NCR1: variants seen among roughly 807,000 people sequenced by gnomAD.
The protein encoded by NCR1 is natural cytotoxicity triggering receptor 1.
A neutral mutation model predicts 32.5 loss-of-function variants in NCR1; 30 were observed. That is an observed-to-expected ratio of 0.92 (90% CI 0.69 to 1.25). The LOEUF is 1.25. Ranked by LOEUF, NCR1 falls within the 50% of genes most tolerant of loss-of-function variation. The pLI is 0.00. For missense variants in NCR1, 369 were observed against 380.7 expected, an observed-to-expected ratio of 0.97 and a Z score of 0.26; for synonymous variants, 169 against 143.4, an observed-to-expected ratio of 1.18 and a Z score of -1.28.
At chr19:54,903,390 A>ATATACG (rs2067350513), upstream of NCR1, among the ~76,000 whole-genome samples, 7 of 136,912 alleles carry the variant, frequency 5.1e-5, no homozygotes, top group African/African-American at 2.2e-4. Flanking sequence ...ATGTATATAC[A>ATATACG]TATATGTATA....
chr19:54,927,331 A>G, the NCR1 span, among the ~76,000 whole-genome samples: 1 of 151,780 alleles, frequency 6.6e-6, no homozygotes, highest in Non-Finnish European at 1.5e-5. Context: ...CAGTGAGCCA[A>G]GATCGCACCA....
the NCR1 span, chr19:54,938,114 G>C: frequency 2.5e-6 from 4 of 1,614,084 alleles, no homozygotes; most frequent in South Asian, 3.3e-5. Flanking sequence ...GAGTCACTCA[G>C]GAAGCTTTGT....
At chr19:54,936,061 C>T in the NCR1 span, among the ~76,000 whole-genome samples, 1 of 152,110 alleles carries the variant, frequency 6.6e-6, no homozygotes, top group Non-Finnish European at 1.5e-5. Flanking sequence ...TGTTTCTTTG[C>T]ATGGATAGCT....
chr19:54,904,838 T>C (rs2067476462), upstream of NCR1, among the ~76,000 whole-genome samples: 1 of 152,096 alleles, frequency 6.6e-6, no homozygotes, highest in Non-Finnish European at 1.5e-5. Context: ...GGCCAGTATT[T>C]GGTTTTCTGT....
the NCR1 span, chr19:54,927,546 A>T: frequency 3.3e-5 from 48 of 1,469,872 alleles, no homozygotes; most frequent in Middle Eastern, 1.7e-4. Flanking sequence ...ACAGAGCACG[A>T]CTCCATCTCA....
At chr19:54,904,767 G>A (rs1051150127), upstream of NCR1, among the ~76,000 whole-genome samples, 5 of 152,016 alleles carry the variant, frequency 3.3e-5, no homozygotes, top group Non-Finnish European at 7.4e-5. Context: ...CCCGACCTAA[G>A]GTGATCCACC....
downstream of NCR1, among the ~76,000 whole-genome samples, chr19:54,913,773 A>G (rs2068074911): frequency 6.7e-6 from 1 of 150,238 alleles, no homozygotes; most frequent in Non-Finnish European, 1.5e-5. Flanking sequence ...CTCTACTAAA[A>G]ATACAAAAAC....
At chr19:54,924,164 C>T in the NCR1 span, among the ~76,000 whole-genome samples, 28,822 of 152,022 alleles carry the variant, frequency 0.19, 3,055 homozygotes, top group South Asian at 0.25. Context: ...GATGGGGTTT[C>T]GACATGTTAG....
At chr19:54,905,537 T>C (rs1356872171), upstream of NCR1, among the ~76,000 whole-genome samples, 1 of 152,142 alleles carries the variant, frequency 6.6e-6, no homozygotes, top group Non-Finnish European at 1.5e-5. Context: ...ATGCATCACA[T>C]TATTCCTTAC....
In NCR1 at chr19:54,909,422, G is replaced by A. The variant is rs1486412654; in HGVS notation, c.533G>A (p.Gly178Asp). The change falls in exon 4 of 7, where the codon GGC (glycine) becomes GAC (aspartate). Residue 178 changes from glycine (G) to aspartate (D), a missense_variant. Coordinates refer to ENST00000291890, the MANE Select transcript of NCR1 (RefSeq NM_004829.7). ...YGKVQAEFPL[G>D]PVTTAHRGTY... ...AAGGTCCAGGCGGAGTTCCCCCTGG[G>A]CCCTGTGACCACAGCCCACAGAGGG... 2 of 1,613,634 alleles carry A rather than the reference G, an allele frequency of 1.2e-6. No individual in the cohort carries two copies. The highest frequency in any genetic ancestry group is 1.7e-6 in the Non-Finnish European group (2 of 1,180,002).
downstream of NCR1, among the ~76,000 whole-genome samples, chr19:54,914,756 T>C (rs954168917): frequency 6.6e-6 from 1 of 150,712 alleles, no homozygotes; most frequent in Non-Finnish European, 1.5e-5. Flanking sequence ...TTTTTTTTTT[T>C]TTTGAGACAG....
the NCR1 span, among the ~76,000 whole-genome samples, chr19:54,931,558 C>G: frequency 6.6e-6 from 1 of 152,090 alleles, no homozygotes; most frequent in South Asian, 2.1e-4. Flanking sequence ...TGTGGTGGCA[C>G]ATGCCTGTAA....
chr19:54,935,614 A>G, the NCR1 span, among the ~76,000 whole-genome samples: 1 of 150,418 alleles, frequency 6.6e-6, no homozygotes, highest in African/African-American at 2.5e-5. Flanking sequence ...AACTGCTTGA[A>G]CCCAGGAGGC....
the NCR1 span, chr19:54,938,176 T>C: frequency 6.2e-7 from 1 of 1,614,006 alleles, no homozygotes; most frequent in Non-Finnish European, 8.5e-7. Context: ...AGAGCAGAAA[T>C]CTGTCCAGAG....
chr19:54,914,211 T>C, downstream of NCR1, among the ~76,000 whole-genome samples: 1 of 142,240 alleles, frequency 7.0e-6, no homozygotes, highest in African/African-American at 2.9e-5. Context: ...GGGACAGAAT[T>C]TCACTTTTTT....
At chr19:54,922,949 A>G in the NCR1 span, among the ~76,000 whole-genome samples, 1 of 151,344 alleles carries the variant, frequency 6.6e-6, no homozygotes, top group Non-Finnish European at 1.5e-5. Flanking sequence ...CAGAGAAACA[A>G]AGAGAGACAC....
chr19:54,922,959 CACAGAG>C, the NCR1 span, among the ~76,000 whole-genome samples: 471 of 150,744 alleles, frequency 3.1e-3, 3 homozygotes, highest in African/African-American at 0.011. Flanking sequence ...AAGAGAGACA[CACAGAG>C]ACAGAGAGAG....
At chr19:54,898,977 AG>A in the NCR1 span, among the ~76,000 whole-genome samples, 1 of 151,960 alleles carries the variant, frequency 6.6e-6, no homozygotes, top group African/African-American at 2.4e-5. Flanking sequence ...CCTGGCGAGG[AG>A]GGGAGATGTC....
the NCR1 span, among the ~76,000 whole-genome samples, chr19:54,898,994 G>A: frequency 6.6e-6 from 1 of 152,068 alleles, no homozygotes; most frequent in African/African-American, 2.4e-5. Context: ...ATGTCAGATG[G>A]GTCTGTAGAA....
Sources: allele counts gnomAD v4.1 joint callset (sites outside exome capture counted in the v4.1 genomes callset), GRCh38; gene constraint gnomAD v4.1.1; transcripts MANE v1.5; gene names NCBI Gene and HGNC (gene_info 2026-07-23, HGNC 2026-07-21).